Variants in NRXN3 observed in about 807,000 individuals in gnomAD.
NRXN3 encodes the protein neurexin III.
A neutral mutation model predicts 137.6 loss-of-function variants in NRXN3; 32 were observed. The observed-to-expected ratio is 0.23, with a 90% CI of 0.18 to 0.31. The LOEUF (loss-of-function observed/expected upper bound fraction) is 0.31, where lower values mean the gene tolerates loss of function less well. Ranked by LOEUF, NRXN3 falls within the 10% of genes least tolerant of loss-of-function variation. The pLI is 1.00. For synonymous variants in NRXN3, 798 were observed against 784.5 expected (o/e 1.02, Z -0.29); for missense variants, 1,574 against 2,062.5 (o/e 0.76, Z 4.59).
At chr14:78,367,436 TACTTA>T (rs2086134284) in intron 4 of NRXN3, among the ~76,000 whole-genome samples, 1 of 152,214 alleles carries the variant, frequency 6.6e-6, no homozygotes, top group Non-Finnish European at 1.5e-5. Flanking sequence ...AGCAGCCCAA[TACTTA>T]ACAGTGGTCT....
At position 79,818,923 on chromosome 14, in the gene NRXN3, T is replaced by C. The variant is rs552799293; in HGVS notation, c.4093+13733T>C. Among the ~76,000 whole-genome samples, 15 of 152,276 alleles carry C rather than the reference T, an allele frequency of 9.9e-5. No individual in the cohort carries two copies. The South Asian group carries it at 2.1e-3, about 21-fold the overall frequency. ...TACAAATTATATCAGTCTCAACCCA[T>C]CCCGAATCCAGATCATAAACTCATA... is the stretch of plus-strand genomic sequence containing the variant. On this transcript the variant is annotated intron_variant, in intron 20 of 20. Coordinates refer to ENST00000335750, the MANE Select transcript of NRXN3 (RefSeq NM_001330195.2).
chr14:79,107,671 A>AT (rs2152868079), intron 15 of NRXN3, among the ~76,000 whole-genome samples: 1 of 152,250 alleles, frequency 6.6e-6, no homozygotes, highest in African/African-American at 2.4e-5. Flanking sequence ...TGCTAACAAC[A>AT]TTTGCCAGTG....
intron 4 of NRXN3, among the ~76,000 whole-genome samples, chr14:78,316,004 T>C (rs1267950701): frequency 6.6e-6 from 1 of 152,226 alleles, no homozygotes; most frequent in Non-Finnish European, 1.5e-5. Context: ...CTGTGCTTTT[T>C]TCTCTTGTAG....
Position 78,721,896 on chromosome 14 carries a change from G to A in NRXN3, c.2044+6757G>A, listed in dbSNP as rs113162834. Among the ~76,000 whole-genome samples, 926 of 150,690 alleles carry A rather than the reference G, an allele frequency of 6.1e-3. 6 individuals carry two copies. Among genetic ancestry groups the A allele is most frequent in the Non-Finnish European group, 0.01 (690 of 67,774 alleles). On this transcript the variant is annotated intron_variant, in intron 8 of 20. Coordinates refer to ENST00000335750, the MANE Select transcript of NRXN3 (RefSeq NM_001330195.2). ...CTGTTGTTGCTTAAGTCATACAAAT[G>A]TATCCCTGGTGACAGCCACCAGCAG...
At chr14:79,792,877 G>A (rs1035897722) in intron 19 of NRXN3, among the ~76,000 whole-genome samples, 1 of 152,148 alleles carries the variant, frequency 6.6e-6, no homozygotes, top group African/African-American at 2.4e-5. Flanking sequence ...GTATAAAAAG[G>A]TGTTGTAATT....
Position 79,794,451 on chromosome 14 carries a change from C to T in NRXN3, c.4015-10661C>T, listed in dbSNP as rs150049566. On this transcript the variant is annotated intron_variant, in intron 19 of 20. Transcript: ENST00000335750. ...GCCCTATCTTTCCCTTTCATGTCAT[C>T]GTCTTTACTGTAAATGGTTGGTTGA... Among the ~76,000 whole-genome samples, 25 of 152,020 alleles carry T rather than the reference C, an allele frequency of 1.6e-4. 2 individuals are homozygous for T. In the East Asian group the frequency reaches 4.8e-3, roughly 29 times the overall value.
intron 8 of NRXN3, among the ~76,000 whole-genome samples, chr14:78,788,871 A>G (rs2098797126): frequency 6.6e-6 from 1 of 152,158 alleles, no homozygotes; most frequent in South Asian, 2.1e-4. Context: ...AATAACTTGC[A>G]GACCTGGAAT....
chr14:78,194,857 C>G (rs1057204177), intron 1 of NRXN3, among the ~76,000 whole-genome samples: 1 of 152,186 alleles, frequency 6.6e-6, no homozygotes, highest in Non-Finnish European at 1.5e-5. Context: ...CCCCGGCTGG[C>G]GCTGACCCCC....
At chr14:79,112,855 C>G (rs1045716025) in intron 15 of NRXN3, among the ~76,000 whole-genome samples, 2 of 152,042 alleles carry the variant, frequency 1.3e-5, no homozygotes, top group Non-Finnish European at 2.9e-5. Context: ...AATTTACAGC[C>G]AAATGAAGTG....
At chr14:79,200,046 G>A (rs968676017) in intron 15 of NRXN3, 11 of 152,180 alleles carry the variant, frequency 7.2e-5, no homozygotes, top group Admixed American at 6.5e-4. Context: ...AGGGTAAGAA[G>A]GGATACATTT....
At chr14:78,689,887 C>T (rs898174273) in intron 6 of NRXN3, among the ~76,000 whole-genome samples, 2 of 151,436 alleles carry the variant, frequency 1.3e-5, no homozygotes, top group Admixed American at 1.3e-4. Context: ...TCTCTCTGCC[C>T]TTCCTTCTGG....
At chr14:78,709,872 T>G in intron 7 of NRXN3, 1 of 553,036 alleles carries the variant, frequency 1.8e-6, no homozygotes, top group Non-Finnish European at 3.2e-6. Flanking sequence ...CACTGCGCAA[T>G]TGTCTCAGTG....
At chr14:78,617,995 A>T (rs186036880) in intron 4 of NRXN3, among the ~76,000 whole-genome samples, 1 of 151,764 alleles carries the variant, frequency 6.6e-6, no homozygotes, top group East Asian at 2.0e-4. Context: ...TTCATCATCT[A>T]TCCATCCACC....
At chr14:79,378,845 C>T (rs2094383568) in intron 15 of NRXN3, among the ~76,000 whole-genome samples, 1 of 150,216 alleles carries the variant, frequency 6.7e-6, no homozygotes, top group African/African-American at 2.5e-5. Context: ...TCCTGAAATA[C>T]TTGCTGAATG....
At chr14:78,392,965 A>T (rs1238992024) in intron 4 of NRXN3, among the ~76,000 whole-genome samples, 2 of 152,116 alleles carry the variant, frequency 1.3e-5, no homozygotes, top group African/African-American at 2.4e-5. Flanking sequence ...AAGTGGGTGA[A>T]AGGAGGGGAG....
At chr14:78,324,656 A>G (rs996706382) in intron 4 of NRXN3, among the ~76,000 whole-genome samples, 6 of 152,158 alleles carry the variant, frequency 3.9e-5, no homozygotes, top group Non-Finnish European at 8.8e-5. Context: ...TGATCACTAC[A>G]GAAAAGCAAA....
intron 15 of NRXN3, among the ~76,000 whole-genome samples, chr14:79,053,411 T>A (rs1401845823): frequency 6.6e-6 from 1 of 152,192 alleles, no homozygotes; most frequent in Non-Finnish European, 1.5e-5. Context: ...GATCCAGGGC[T>A]CCCTGGCTCC....
At chr14:78,909,150 G>T (rs1597263162) in intron 10 of NRXN3, among the ~76,000 whole-genome samples, 2 of 152,126 alleles carry the variant, frequency 1.3e-5, no homozygotes, top group African/African-American at 4.8e-5. Flanking sequence ...AACTTTCAAT[G>T]AAAATTTTAA....
At chr14:79,743,522 C>T (rs2098969688) in intron 19 of NRXN3, among the ~76,000 whole-genome samples, 1 of 152,134 alleles carries the variant, frequency 6.6e-6, no homozygotes, top group African/African-American at 2.4e-5. Flanking sequence ...AACCCCCCAC[C>T]CCACAACACT....
Sources: allele counts gnomAD v4.1 joint callset (sites outside exome capture counted in the v4.1 genomes callset), GRCh38; gene constraint gnomAD v4.1.1; transcripts MANE v1.5; gene names NCBI Gene and HGNC (gene_info 2026-07-23, HGNC 2026-07-21).